SQOR: variants seen among roughly 807,000 people sequenced by gnomAD.
The protein encoded by SQOR is sulfide quinone oxidoreductase.
In SQOR, 39 loss-of-function variants were observed where a neutral mutation model predicts 48.6. That is an observed-to-expected ratio of 0.80 (90% CI 0.62 to 1.05). SQOR has a LOEUF of 1.05. Among genes scored for constraint, SQOR ranks in the 50% least tolerant of loss-of-function variants. The pLI is 0.00. For missense variants in SQOR, 561 were observed against 559.9 expected, an observed-to-expected ratio of 1.00 and a Z score of -0.02; for synonymous variants, 220 against 206.2, an observed-to-expected ratio of 1.07 and a Z score of -0.57.
At chr15:45,688,957 CA>C (rs1171201704) in intron 8 of SQOR, 81 bp from the exon 9 acceptor site, 181 of 1,143,898 alleles carry the variant, frequency 1.6e-4, no homozygotes, top group Non-Finnish European at 2.1e-4. Context: ...TAAGCACTCA[CA>C]GCAAATAATA....
At chr15:45,637,052 T>A (rs796705739) in intron 1 of SQOR, among the ~76,000 whole-genome samples, 5 of 151,956 alleles carry the variant, frequency 3.3e-5, no homozygotes, top group African/African-American at 1.2e-4. Flanking sequence ...TGAGGTGATC[T>A]CTGCTCACTG....
intron 3 of SQOR, among the ~76,000 whole-genome samples, chr15:45,668,941 G>A (rs978959706): frequency 1.3e-5 from 2 of 151,790 alleles, no homozygotes; most frequent in Admixed American, 6.6e-5. Flanking sequence ...TTGAAGAAGG[G>A]ACTTTTTTCA....
Position 45,645,100 on chromosome 15 carries a change from A to G in SQOR, c.-18+9992A>G, listed in dbSNP as rs564886272. 1.9e-3 allele frequency among the ~76,000 whole-genome samples: 289 copies of G among 152,342 alleles called. 2 individuals carry two copies. Among genetic ancestry groups the G allele is most frequent in the Middle Eastern group, 0.017 (5 of 294 alleles). The stretch of plus-strand genomic sequence containing the variant: ...CAGAATATTGACAGGAAGGGGAAAC[A>G]GTCAGTTGCCTTCCTGGTTTCATGA... On this transcript the variant is annotated intron_variant, in intron 1 of 9. Transcript: ENST00000260324.
chr15:45,642,607 C>T (rs1355475867), intron 1 of SQOR, among the ~76,000 whole-genome samples: 2 of 152,164 alleles, frequency 1.3e-5, no homozygotes, highest in Non-Finnish European at 2.9e-5. Flanking sequence ...TCTCCCTCTT[C>T]CCAGAGCGCT....
At chr15:45,656,937 T>C (rs1337777454) in intron 1 of SQOR, among the ~76,000 whole-genome samples, 1 of 152,002 alleles carries the variant, frequency 6.6e-6, no homozygotes, top group Non-Finnish European at 1.5e-5. Context: ...CCCTAGTAGC[T>C]GGGATTACAG....
intron 3 of SQOR, among the ~76,000 whole-genome samples, chr15:45,664,845 A>C (rs1017284656): frequency 2.6e-5 from 4 of 152,098 alleles, no homozygotes; most frequent in African/African-American, 7.2e-5. Flanking sequence ...TTTTAATTAA[A>C]ATTTTTATAT....
intron 1 of SQOR, among the ~76,000 whole-genome samples, chr15:45,651,354 C>T (rs747999720): frequency 6.6e-5 from 10 of 152,184 alleles, no homozygotes; most frequent in South Asian, 4.1e-4. Context: ...CCGCGAGCGT[C>T]GCTGGCAGCC....
At chr15:45,647,997 T>C (rs1341610973) in intron 1 of SQOR, among the ~76,000 whole-genome samples, 3 of 152,208 alleles carry the variant, frequency 2.0e-5, no homozygotes, top group Admixed American at 6.5e-5. Flanking sequence ...AATTAAGTTC[T>C]GTTGCTTAGT....
chr15:45,671,996 C>CA (rs1555401755), intron 4 of SQOR, among the ~76,000 whole-genome samples: 1 of 152,208 alleles, frequency 6.6e-6, no homozygotes, highest in Non-Finnish European at 1.5e-5. Context: ...GATGAGGGGT[C>CA]AAAACCACCC....
At position 45,637,557 on chromosome 15, in the gene SQOR, T is replaced by C. The variant is rs1895025958; in HGVS notation, c.-18+2449T>C. Among the ~76,000 whole-genome samples the C allele has an allele frequency of 2.0e-5, 3 of 152,168 alleles. No individual in the cohort carries two copies. The South Asian group carries it at 6.2e-4, about 31-fold the overall frequency. ...AGGAGACAGCTGGTGGTTTGGGAAA[T>C]GACTTTGTTTAAATTTGGGGCTTTT... On this transcript the variant is annotated intron_variant, in intron 1 of 9. Transcript: ENST00000260324.
intron 8 of SQOR, 93 bp from the exon 9 acceptor site, chr15:45,688,946 A>G (rs1890270989): frequency 5.9e-6 from 6 of 1,014,908 alleles, no homozygotes; most frequent in Middle Eastern, 3.2e-4. Context: ...GAAAAAATAT[A>G]TAAGCACTCA....
chr15:45,656,549 C>T (rs1889615259), intron 1 of SQOR, among the ~76,000 whole-genome samples: 1 of 151,982 alleles, frequency 6.6e-6, no homozygotes, highest in Admixed American at 6.6e-5. Flanking sequence ...CTCTCAGCCT[C>T]CTAAAGTGCT....
intron 9 of SQOR, among the ~76,000 whole-genome samples, chr15:45,690,045 T>C (rs961289051): frequency 2.7e-5 from 4 of 150,402 alleles, no homozygotes; most frequent in Non-Finnish European, 5.9e-5. Flanking sequence ...ATTCAATAAG[T>C]AAATAGAGTA....
At chr15:45,638,809 C>T (rs1446610589) in intron 1 of SQOR, among the ~76,000 whole-genome samples, 1 of 151,850 alleles carries the variant, frequency 6.6e-6, no homozygotes, top group Admixed American at 6.6e-5. Flanking sequence ...GAATAGTATC[C>T]TTATAAGAAG....
chr15:45,685,923 T>G (rs914556555), intron 7 of SQOR, among the ~76,000 whole-genome samples: 7 of 152,034 alleles, frequency 4.6e-5, no homozygotes, highest in Non-Finnish European at 1.0e-4. Context: ...GCTGCAGACT[T>G]GACCTCTTGG....
intron 7 of SQOR, 36 bp downstream of exon 7, chr15:45,682,697 AAT>A (rs1284380575): frequency 3.1e-6 from 5 of 1,606,550 alleles, no homozygotes; most frequent in Non-Finnish European, 4.3e-6. Flanking sequence ...CTTTCTCAAA[AAT>A]ATGTCACCTC....
intron 1 of SQOR, among the ~76,000 whole-genome samples, chr15:45,640,446 C>A (rs1231580060): frequency 2.0e-5 from 3 of 152,122 alleles, no homozygotes; most frequent in Non-Finnish European, 4.4e-5. Flanking sequence ...TGCCCTCAGA[C>A]AAAGCTTCAC....
intron 1 of SQOR, among the ~76,000 whole-genome samples, chr15:45,649,945 TG>T (rs529897319): frequency 6.6e-6 from 1 of 152,144 alleles, no homozygotes; most frequent in Middle Eastern, 3.4e-3. Context: ...CGGGTTCAAG[TG>T]GGGGTCCTGC....
At chr15:45,661,869 T>G in intron 2 of SQOR, 86 bp from the exon 3 acceptor site, 1 of 1,385,286 alleles carries the variant, frequency 7.2e-7, no homozygotes, top group Non-Finnish European at 9.8e-7. Flanking sequence ...AGGGAGTGAT[T>G]GAAAGAATCT....
Sources: allele counts gnomAD v4.1 joint callset (sites outside exome capture counted in the v4.1 genomes callset), GRCh38; gene constraint gnomAD v4.1.1; transcripts MANE v1.5; gene names NCBI Gene and HGNC (gene_info 2026-07-23, HGNC 2026-07-21).